SNX31: variants seen among roughly 807,000 people sequenced by gnomAD.
SNX31 encodes the protein sorting nexin 31.
In SNX31, 58 loss-of-function variants were observed where a neutral mutation model predicts 65.4. That is an observed-to-expected ratio of 0.89 (90% CI 0.72 to 1.10). The LOEUF (loss-of-function observed/expected upper bound fraction) is 1.10. SNX31 is among the 50% of genes least tolerant of loss of function. The pLI is 0.00. For missense variants in SNX31, 523 were observed against 529.7 expected (o/e 0.99, Z 0.12); for synonymous variants, 181 against 190.1 (o/e 0.95, Z 0.39).
At chr8:100,581,935 T>C (rs1813593018) in intron 12 of SNX31, among the ~76,000 whole-genome samples, 1 of 152,128 alleles carries the variant, frequency 6.6e-6, no homozygotes, top group Non-Finnish European at 1.5e-5. Flanking sequence ...GTAGATAAAA[T>C]TCGAGATTAA....
intron 12 of SNX31, among the ~76,000 whole-genome samples, chr8:100,577,612 G>A (rs962095350): frequency 3.9e-5 from 6 of 152,228 alleles, no homozygotes; most frequent in African/African-American, 1.4e-4. Context: ...ATTTAATGGA[G>A]GTGTGGGCAG....
rs572592584 is a variant in SNX31 at position 100,649,617 on chromosome 8, G to C, written c.-103C>G. 1,029 of 1,130,938 alleles carry C rather than the reference G, an allele frequency of 9.1e-4. 17 individuals are homozygous for C. In the East Asian group the frequency reaches 0.024, roughly 27 times the overall value. The allele number at this position is 1,130,938 out of a possible 1,614,324, so 70.1% of individuals were successfully genotyped here. A position where few individuals can be genotyped will look rare whatever the true frequency, so the allele number is the denominator to read the frequency against. The stretch of plus-strand genomic sequence containing the variant: ...CGGTGGACGCAGCGCGGCCTGCCAC[G>C]CGACTCAGAGCGAACCCCGGCGCCC... On this transcript the variant is annotated 5_prime_UTR_variant, in exon 1 of 14. Transcript: ENST00000311812.
upstream of SNX31, chr8:100,649,684 G>C (rs1376050234): frequency 4.2e-5 from 23 of 550,078 alleles, no homozygotes; most frequent in Admixed American, 4.7e-4. Flanking sequence ...GGCCGGGGCC[G>C]GGCCGCGCCG....
intron 5 of SNX31, among the ~76,000 whole-genome samples, chr8:100,616,609 C>G (rs1008833381): frequency 3.9e-5 from 6 of 152,126 alleles, no homozygotes; most frequent in African/African-American, 1.2e-4. Flanking sequence ...AGACTGGAAG[C>G]AGGGAGACTA....
intron 2 of SNX31, among the ~76,000 whole-genome samples, chr8:100,642,049 A>G (rs1374910570): frequency 2.0e-5 from 3 of 151,264 alleles, no homozygotes; most frequent in African/African-American, 4.9e-5. Context: ...ACTGCACTCC[A>G]GCCTGGGCGA....
At chr8:100,620,986 A>T (rs117356295) in intron 4 of SNX31, among the ~76,000 whole-genome samples, 2,560 of 151,710 alleles carry the variant, frequency 0.017, 55 homozygotes, top group East Asian at 0.091. Flanking sequence ...AAATACATTT[A>T]AAAAAAAATT....
intron 4 of SNX31, among the ~76,000 whole-genome samples, chr8:100,621,981 G>A (rs921710873): frequency 4.6e-5 from 7 of 152,256 alleles, no homozygotes; most frequent in African/African-American, 1.4e-4. Context: ...ATGTAGAGAA[G>A]AGCAGGGTTT....
intron 2 of SNX31, among the ~76,000 whole-genome samples, chr8:100,641,654 A>G (rs1587069895): frequency 2.1e-5 from 1 of 48,152 alleles, no homozygotes; most frequent in African/African-American, 1.2e-4. Flanking sequence ...ATATATATAT[A>G]TATATGTATG....
At chr8:100,605,709 G>GT (rs1158606483) in intron 8 of SNX31, among the ~76,000 whole-genome samples, 1 of 152,022 alleles carries the variant, frequency 6.6e-6, no homozygotes, top group Non-Finnish European at 1.5e-5. Flanking sequence ...ATGAAGCCAC[G>GT]TTTTTTTAGC....
At chr8:100,645,119 A>C (rs539908284) in intron 2 of SNX31, among the ~76,000 whole-genome samples, 2 of 152,402 alleles carry the variant, frequency 1.3e-5, no homozygotes, top group South Asian at 4.1e-4. Flanking sequence ...CACATGCTAA[A>C]GTAATAGTCC....
intron 3 of SNX31, 40 bp downstream of exon 3, chr8:100,635,857 G>A (rs977306030): frequency 7.1e-7 from 1 of 1,404,178 alleles, no homozygotes; most frequent in Non-Finnish European, 1.0e-6. Flanking sequence ...AGCTTACATT[G>A]CAATAAATCT....
chr8:100,619,968 T>G (rs1443516812), intron 4 of SNX31: 1 of 152,200 alleles, frequency 6.6e-6, no homozygotes, highest in East Asian at 1.9e-4. Flanking sequence ...TTTTTAAGAC[T>G]AATACATTTA....
intron 1 of SNX31, among the ~76,000 whole-genome samples, chr8:100,655,013 A>C (rs1820034667): frequency 6.6e-6 from 1 of 152,172 alleles, no homozygotes; most frequent in African/African-American, 2.4e-5. Flanking sequence ...AATCCGTCTC[A>C]AAAAACAAAA....
Position 100,613,156 on chromosome 8 carries a change from G to T in SNX31, c.433-71C>A. On this transcript the variant is annotated intron_variant, in intron 5 of 13. Coordinates refer to ENST00000311812, the MANE Select transcript of SNX31 (RefSeq NM_152628.4). This position sits in a 1 kb window ranked among gnomAD's most constrained non-coding sequence, Gnocchi z 5.2. ...CCATGCATCCTAACTGTGACATGCA[G>T]ACTTGGAAATGGCCGGTACACATCA... 4 of 1,238,386 alleles carry T rather than the reference G, an allele frequency of 3.2e-6. No homozygotes were observed. Among genetic ancestry groups the T allele is most frequent in the East Asian group, 2.3e-5 (1 of 42,872 alleles). The allele number at this position is 1,238,386 out of a possible 1,614,324, so 76.7% of individuals were successfully genotyped here. A position where few individuals can be genotyped will look rare whatever the true frequency, so the allele number is the denominator to read the frequency against.
intron 7 of SNX31, among the ~76,000 whole-genome samples, chr8:100,611,435 C>T (rs943696162): frequency 6.6e-6 from 1 of 152,162 alleles, no homozygotes; most frequent in African/African-American, 2.4e-5. Flanking sequence ...CTACCCTCCT[C>T]ATTTTCATAC....
At chr8:100,649,825 C>G (rs1395487780), upstream of SNX31, among the ~76,000 whole-genome samples, 1 of 152,232 alleles carries the variant, frequency 6.6e-6, no homozygotes, top group Non-Finnish European at 1.5e-5. Flanking sequence ...CAAGAAGGCC[C>G]GTGAGGGGCT....
intron 7 of SNX31, 149 bp from the exon 8 acceptor site, chr8:100,608,712 C>G: frequency 2.9e-6 from 2 of 680,866 alleles, no homozygotes; most frequent in Non-Finnish European, 5.2e-6. Flanking sequence ...AGCTTTCACT[C>G]TGCCCCTCCA....
chr8:100,661,130 C>T (rs913367228), intron 1 of SNX31, among the ~76,000 whole-genome samples: 1 of 151,920 alleles, frequency 6.6e-6, no homozygotes, highest in Admixed American at 6.6e-5. Flanking sequence ...CTCAGCCTCC[C>T]GAGTAGCTGG....
intron 12 of SNX31, among the ~76,000 whole-genome samples, chr8:100,583,748 C>T (rs1395569723): frequency 6.6e-6 from 1 of 152,130 alleles, no homozygotes; most frequent in African/African-American, 2.4e-5. Context: ...ATCATCCCCA[C>T]TGTGTTAAAG....
Sources: gnomAD v4.1 joint callset for allele counts (sites outside exome capture counted in the v4.1 genomes callset) on GRCh38, gnomAD v4.1.1 for gene constraint, Gnocchi (gnomAD v3.1) non-coding constraint, MANE v1.5 for transcripts, NCBI Gene and HGNC (gene_info 2026-07-23, HGNC 2026-07-21) for gene names.